Variants in AGBL4 observed in about 807,000 individuals in gnomAD.
AGBL4 encodes AGBL carboxypeptidase 4.
Under a neutral mutation model 66.4 loss-of-function variants are expected in AGBL4, and 58 were observed. The observed-to-expected ratio is 0.87, with a 90% CI of 0.71 to 1.09. AGBL4 has a LOEUF of 1.09. Ranked by LOEUF, AGBL4 falls within the 50% of genes least tolerant of loss-of-function variation. The probability of loss-of-function intolerance (pLI) is 0.00; values close to 1 mark genes in which losing one functional copy is unlikely to be tolerated. For missense variants in AGBL4, 579 were observed against 631.0 expected, an observed-to-expected ratio of 0.92 and a Z score of 0.88; for synonymous variants, 234 against 222.9, an observed-to-expected ratio of 1.05 and a Z score of -0.44.
intron 2 of AGBL4, among the ~76,000 whole-genome samples, chr1:49,700,824 T>A (rs1647076362): frequency 6.6e-6 from 1 of 152,070 alleles, no homozygotes; most frequent in East Asian, 1.9e-4. Context: ...TTTCAATGAT[T>A]TACACATGTG....
At position 48,889,439 on chromosome 1, in the gene AGBL4, A is replaced by C. The variant is rs548766519; in HGVS notation, c.595-22209T>G. On this transcript the variant is annotated intron_variant, in intron 5 of 13. Transcript: ENST00000371839. ...CAGGAGGAAGAATTCTGATAGCAAT[A>C]AACTGAGTGAGAAAGATAGGCCAGA... Among the ~76,000 whole-genome samples the C allele has an allele frequency of 7.3e-4, 111 of 152,364 alleles. 1 individual carries two copies. The highest frequency in any genetic ancestry group is 2.4e-3 in the African/African-American group (101 of 41,590).
chr1:48,551,463 A>C (rs1214010762), intron 11 of AGBL4, among the ~76,000 whole-genome samples: 1 of 152,192 alleles, frequency 6.6e-6, no homozygotes, highest in East Asian at 1.9e-4. Flanking sequence ...GTCATCTCCA[A>C]CAAAGTATGA....
intron 1 of AGBL4, among the ~76,000 whole-genome samples, chr1:49,968,158 G>A (rs1481487249): frequency 6.6e-6 from 1 of 151,548 alleles, no homozygotes; most frequent in African/African-American, 2.4e-5. Flanking sequence ...AGGAGGCAGA[G>A]GTTCCAGTGA....
Position 49,851,381 on chromosome 1 carries a change from C to G in AGBL4, c.157+15G>C. 1 of 1,535,406 alleles carries G rather than the reference C, an allele frequency of 6.5e-7. No homozygotes were observed. The highest frequency in any genetic ancestry group is 1.4e-5 in the African/African-American group (1 of 72,320). ...ACCAGACAAACTTAAAAGGAAAAGCCTTTAATATACTTACCACTTTCAAAG... is the reference window on the plus strand; with the variant it reads ...ACCAGACAAACTTAAAAGGAAAAGCGTTTAATATACTTACCACTTTCAAAG... On this transcript the variant is annotated intron_variant, in intron 2 of 13. Coordinates refer to ENST00000371839, the MANE Select transcript of AGBL4 (RefSeq NM_032785.4).
chr1:49,528,249 CA>C (rs1650822418), intron 3 of AGBL4, among the ~76,000 whole-genome samples: 1 of 152,130 alleles, frequency 6.6e-6, no homozygotes, highest in South Asian at 2.1e-4. Flanking sequence ...AGATAAGGAA[CA>C]AAGAGTGTCC....
intron 6 of AGBL4, among the ~76,000 whole-genome samples, chr1:48,689,047 C>G (rs1404046008): frequency 6.6e-6 from 1 of 151,546 alleles, no homozygotes; most frequent in Non-Finnish European, 1.5e-5. Context: ...GAAACCCCGT[C>G]TCTACTAAAA....
intron 5 of AGBL4, among the ~76,000 whole-genome samples, chr1:48,869,077 C>G (rs1648393821): frequency 6.6e-6 from 1 of 152,192 alleles, no homozygotes; most frequent in South Asian, 2.1e-4. Context: ...TGTAAGATTT[C>G]TCTACCCCTT....
chr1:49,036,553 G>T (rs1664671147), intron 5 of AGBL4, among the ~76,000 whole-genome samples: 1 of 151,906 alleles, frequency 6.6e-6, no homozygotes, highest in African/African-American at 2.4e-5. Flanking sequence ...TCAGTGTCTT[G>T]ATATGATTGT....
intron 5 of AGBL4, among the ~76,000 whole-genome samples, chr1:48,966,911 G>T (rs1557510168): frequency 6.6e-6 from 1 of 152,062 alleles, no homozygotes; most frequent in Admixed American, 6.6e-5. Context: ...CAGGTCACAT[G>T]GTGGGTAAAT....
At chr1:48,685,075 T>C (rs1335797821) in intron 6 of AGBL4, among the ~76,000 whole-genome samples, 1 of 152,196 alleles carries the variant, frequency 6.6e-6, no homozygotes, top group Admixed American at 6.5e-5. Flanking sequence ...TGGTGCATGG[T>C]GCACACGGCC....
chr1:49,277,772 G>A (rs1644198050), intron 3 of AGBL4, among the ~76,000 whole-genome samples: 1 of 149,024 alleles, frequency 6.7e-6, no homozygotes, highest in African/African-American at 2.5e-5. Flanking sequence ...CTTTTTCCCA[G>A]CCCAACTGTC....
At chr1:49,197,787 T>C (rs1240545211) in intron 4 of AGBL4, among the ~76,000 whole-genome samples, 1 of 152,210 alleles carries the variant, frequency 6.6e-6, no homozygotes, top group African/African-American at 2.4e-5. Flanking sequence ...CTTCCTTCTC[T>C]AGTCCCATGA....
At chr1:49,968,159 G>A (rs968128661) in intron 1 of AGBL4, among the ~76,000 whole-genome samples, 2 of 150,504 alleles carry the variant, frequency 1.3e-5, no homozygotes, top group Non-Finnish European at 2.9e-5. Context: ...GGAGGCAGAG[G>A]TTCCAGTGAG....
At chr1:49,560,562 G>T (rs981953231) in intron 3 of AGBL4, among the ~76,000 whole-genome samples, 2 of 152,096 alleles carry the variant, frequency 1.3e-5, no homozygotes, top group African/African-American at 4.8e-5. Context: ...TATTCAAAGA[G>T]ATAATAAGAA....
chr1:49,953,173 T>C (rs935664520), intron 1 of AGBL4, among the ~76,000 whole-genome samples: 1 of 151,996 alleles, frequency 6.6e-6, no homozygotes, highest in Non-Finnish European at 1.5e-5. Flanking sequence ...ATCTAGGTTT[T>C]ATGGACCAGT....
intron 1 of AGBL4, among the ~76,000 whole-genome samples, chr1:49,973,575 ATT>A (rs1658313638): frequency 1.3e-5 from 2 of 148,320 alleles, no homozygotes; most frequent in South Asian, 2.1e-4. Context: ...ATAATTATAT[ATT>A]GTTATATATT....
At chr1:49,560,080 A>T (rs1046314823) in intron 3 of AGBL4, among the ~76,000 whole-genome samples, 3 of 152,154 alleles carry the variant, frequency 2.0e-5, no homozygotes, top group Non-Finnish European at 4.4e-5. Context: ...ACTCAAGAAC[A>T]TCTACCAGCA....
At chr1:48,645,807 A>T (rs1049013000) in intron 8 of AGBL4, among the ~76,000 whole-genome samples, 1 of 152,094 alleles carries the variant, frequency 6.6e-6, no homozygotes, top group African/African-American at 2.4e-5. Flanking sequence ...AGTCGTGGAC[A>T]CCCCGCCTCA....
At position 48,898,308 on chromosome 1, in the gene AGBL4, T is replaced by C. The variant is rs550276503; in HGVS notation, c.595-31078A>G. Among the ~76,000 whole-genome samples, 22 of 152,328 alleles carry C rather than the reference T, an allele frequency of 1.4e-4. No homozygotes were observed. In the South Asian group the frequency reaches 4.1e-3, roughly 29 times the overall value. ...GCTGTGCAGAAACTTTTTAGCTTAA[T>C]GTAATCTCATTTGTCTGTTTTTGCT... On this transcript the variant is annotated intron_variant, in intron 5 of 13. Coordinates refer to ENST00000371839, the MANE Select transcript of AGBL4 (RefSeq NM_032785.4).
Sources: allele counts gnomAD v4.1 joint callset (sites outside exome capture counted in the v4.1 genomes callset), GRCh38; gene constraint gnomAD v4.1.1; transcripts MANE v1.5; gene names NCBI Gene and HGNC (gene_info 2026-07-23, HGNC 2026-07-21).